POLN: variants seen among roughly 807,000 people sequenced by gnomAD.
POLN encodes the protein DNA polymerase nu.
In POLN, 108 loss-of-function variants were observed where a neutral mutation model predicts 113.5. The observed-to-expected ratio is 0.95, with a 90% CI of 0.81 to 1.12. The LOEUF (loss-of-function observed/expected upper bound fraction) is 1.12, where lower values mean the gene tolerates loss of function less well. POLN is among the 50% of genes most tolerant of loss of function. The pLI, the probability that POLN is intolerant of heterozygous loss-of-function variation, is 0.00. For missense variants in POLN, 1,097 were observed against 1,077.1 expected, an observed-to-expected ratio of 1.02 and a Z score of -0.26; for synonymous variants, 386 against 391.5, an observed-to-expected ratio of 0.99 and a Z score of 0.17.
intron 2 of POLN, chr4:2,236,368 G>C: frequency 1.2e-6 from 2 of 1,612,846 alleles, no homozygotes; most frequent in East Asian, 2.2e-5. Context: ...GAAATATTCT[G>C]TTTCAATTTC....
At chr4:2,138,518 C>T (rs557969997) in intron 16 of POLN, among the ~76,000 whole-genome samples, 31 of 152,282 alleles carry the variant, frequency 2.0e-4, no homozygotes, top group Middle Eastern at 3.4e-3. Flanking sequence ...CAGCCCGGAC[C>T]CCTGGGCTCC....
rs1293152640 is a variant in POLN at position 2,229,187 on chromosome 4, T to C, written c.45A>G (p.Thr15=). 2 of 1,610,432 alleles carry C rather than the reference T, an allele frequency of 1.2e-6. No individual in the cohort carries two copies. The highest frequency in any genetic ancestry group is 1.7e-6 in the Non-Finnish European group (2 of 1,177,396). The change falls in exon 3 of 26, where the codon ACA becomes ACG. Residue 15 remains threonine (T), a synonymous_variant. Coordinates refer to ENST00000511885, the MANE Select transcript of POLN (RefSeq NM_181808.4). ...EALVGFDLCN[T]PLSSVAQKIM... ...TCTTCTGAGCAACACTGGAGAGCGG[T>C]GTATTACAGAGATCAAAGCCTACCA... is the stretch of plus-strand genomic sequence containing the variant.
intron 19 of POLN, among the ~76,000 whole-genome samples, chr4:2,115,059 G>GT (rs143954257): frequency 0.011 from 1,666 of 150,954 alleles, 35 homozygotes; most frequent in African/African-American, 0.039. Context: ...GTTTTTGTTT[G>GT]TTTTTTGAGA....
intron 3 of POLN, chr4:2,228,794 T>C (rs560705806): frequency 4.5e-4 from 123 of 270,924 alleles, no homozygotes; most frequent in South Asian, 6.5e-4. Context: ...ATGTACAGGT[T>C]TGATGACCTG....
intron 8 of POLN, 64 bp from the exon 9 acceptor site, chr4:2,176,398 T>G (rs1387479058): frequency 8.0e-7 from 1 of 1,249,084 alleles, no homozygotes; most frequent in Non-Finnish European, 1.1e-6. Flanking sequence ...CACCACAGTC[T>G]GTAACTGACA....
intron 4 of POLN, among the ~76,000 whole-genome samples, chr4:2,209,922 A>C (rs1733950477): frequency 6.7e-6 from 1 of 149,872 alleles, no homozygotes; most frequent in African/African-American, 2.4e-5. Context: ...TTGGCCTCCC[A>C]AAGTGCTGGG....
At chr4:2,090,490 G>A in intron 20 of POLN, 1 of 526,070 alleles carries the variant, frequency 1.9e-6, no homozygotes. Flanking sequence ...GTCACGCTGT[G>A]AATAAATAAA....
chr4:2,210,497 C>T (rs897779439), intron 4 of POLN, among the ~76,000 whole-genome samples: 10 of 151,432 alleles, frequency 6.6e-5, no homozygotes, highest in African/African-American at 2.2e-4. Flanking sequence ...GGGAGGATCA[C>T]CTGAGCCCAG....
intron 19 of POLN, among the ~76,000 whole-genome samples, chr4:2,117,688 G>A (rs1370221198): frequency 6.6e-6 from 1 of 152,230 alleles, no homozygotes; most frequent in Non-Finnish European, 1.5e-5. Flanking sequence ...AATCCTGACT[G>A]GGTAGGTGTT....
At chr4:2,098,999 CA>C (rs1730863172) in intron 19 of POLN, among the ~76,000 whole-genome samples, 1 of 152,120 alleles carries the variant, frequency 6.6e-6, no homozygotes, top group Non-Finnish European at 1.5e-5. Context: ...TCCCAATGGC[CA>C]AAGCTGGAAC....
intron 2 of POLN, chr4:2,240,214 T>G: frequency 6.2e-7 from 1 of 1,613,836 alleles, no homozygotes; most frequent in Non-Finnish European, 8.5e-7. Context: ...ATAGATGGTG[T>G]CTGTATATCT....
chr4:2,214,812 G>A (rs1734071921), intron 3 of POLN, among the ~76,000 whole-genome samples: 1 of 151,834 alleles, frequency 6.6e-6, no homozygotes, highest in Non-Finnish European at 1.5e-5. Flanking sequence ...CTGGGTTTGG[G>A]TTTGTGAAAT....
At chr4:2,106,341 C>A (rs889186540) in intron 19 of POLN, among the ~76,000 whole-genome samples, 3 of 152,214 alleles carry the variant, frequency 2.0e-5, no homozygotes, top group Non-Finnish European at 4.4e-5. Flanking sequence ...CTTCTCTCTT[C>A]TGTTACCATA....
At chr4:2,119,824 TG>T (rs1353228627) in intron 19 of POLN, among the ~76,000 whole-genome samples, 3 of 152,110 alleles carry the variant, frequency 2.0e-5, no homozygotes, top group African/African-American at 7.2e-5. Context: ...AAGTCACGAA[TG>T]TTGGATTACT....
At chr4:2,159,932 T>A (rs775041909) in intron 13 of POLN, among the ~76,000 whole-genome samples, 1 of 152,238 alleles carries the variant, frequency 6.6e-6, no homozygotes, top group South Asian at 2.1e-4. Flanking sequence ...CTATTATGAA[T>A]AATGCTGGTA....
Position 2,143,013 on chromosome 4 carries a change from T to G in POLN, c.1732-11723A>C, listed in dbSNP as rs1732041673. ...TTAAATAAACTCTCCCTTACACGTT[T>G]AACTCTGATGCAATTTTTTTTTGGA... On this transcript the variant is annotated intron_variant, in intron 16 of 25. Coordinates refer to ENST00000511885, the MANE Select transcript of POLN (RefSeq NM_181808.4). Among the ~76,000 whole-genome samples, 2 of 152,262 alleles carry G rather than the reference T, an allele frequency of 1.3e-5. 1 individual carries two copies. Among genetic ancestry groups the G allele is most frequent in the African/African-American group, 4.8e-5 (2 of 41,562 alleles).
chr4:2,079,791 G>C, intron 23 of POLN: 1 of 874,078 alleles, frequency 1.1e-6, no homozygotes, highest in Non-Finnish European at 1.4e-6. Context: ...TACCCTGTTG[G>C]CCAGGTTGGT....
Position 2,225,508 on chromosome 4 carries a change from C to T in POLN, c.133+3591G>A, listed in dbSNP as rs1033102063. On this transcript the variant is annotated intron_variant, in intron 3 of 25. Transcript: ENST00000511885. Reference sequence around the variant, plus strand: ...AGGGGGGGTTGCAGTGAGCCGAGATCGCACCACTGTACTCCAGCTTGGGTG... The same window carrying T: ...AGGGGGGGTTGCAGTGAGCCGAGATTGCACCACTGTACTCCAGCTTGGGTG... 2.7e-5 allele frequency among the ~76,000 whole-genome samples: 4 copies of T among 150,478 alleles called. No individual in the cohort carries two copies. In the East Asian group the frequency reaches 5.9e-4, roughly 22 times the overall value.
intron 20 of POLN, among the ~76,000 whole-genome samples, chr4:2,095,647 C>T (rs757552593): frequency 3.9e-5 from 6 of 152,314 alleles, no homozygotes; most frequent in Non-Finnish European, 7.4e-5. Flanking sequence ...TCCGCGGCCT[C>T]CCCTGAGAGG....
Sources: allele counts gnomAD v4.1 joint callset (sites outside exome capture counted in the v4.1 genomes callset), GRCh38; gene constraint gnomAD v4.1.1; transcripts MANE v1.5; gene names NCBI Gene and HGNC (gene_info 2026-07-23, HGNC 2026-07-21).